RORB: variants seen among roughly 807,000 people sequenced by gnomAD.
RORB encodes the protein RAR related orphan receptor B, also known as nuclear receptor ROR-beta.
A neutral mutation model predicts 59.1 loss-of-function variants in RORB; 6 were observed. That is an observed-to-expected ratio of 0.10 (90% CI 0.06 to 0.20). The LOEUF (loss-of-function observed/expected upper bound fraction) is 0.20. RORB is among the 10% of genes least tolerant of loss of function. The pLI is 1.00. For missense variants in RORB, 320 were observed against 560.5 expected, an observed-to-expected ratio of 0.57 and a Z score of 4.33; for synonymous variants, 215 against 204.5, an observed-to-expected ratio of 1.05 and a Z score of -0.44.
At chr9:74,515,010 G>A (rs1825989030) in intron 1 of RORB, among the ~76,000 whole-genome samples, 1 of 150,120 alleles carries the variant, frequency 6.7e-6, no homozygotes, top group African/African-American at 2.5e-5. Context: ...GTAGGTCATT[G>A]AAAATTCAAA....
chr9:74,601,694 C>A (rs1378710073), intron 1 of RORB, among the ~76,000 whole-genome samples: 1 of 152,104 alleles, frequency 6.6e-6, no homozygotes, highest in Non-Finnish European at 1.5e-5. Flanking sequence ...GCTAGAAATC[C>A]TATTTGCCCA....
intron 1 of RORB, among the ~76,000 whole-genome samples, chr9:74,505,233 C>T (rs552903126): frequency 1.3e-5 from 2 of 152,136 alleles, no homozygotes; most frequent in African/African-American, 2.4e-5. Context: ...ACAAATGTCT[C>T]TCCTTATCTG....
At chr9:74,587,513 T>A (rs1052312153) in intron 1 of RORB, among the ~76,000 whole-genome samples, 4 of 152,188 alleles carry the variant, frequency 2.6e-5, no homozygotes, top group African/African-American at 9.7e-5. Context: ...ACATGTATTA[T>A]TAATTGTGAG....
intron 9 of RORB, among the ~76,000 whole-genome samples, chr9:74,681,485 C>T (rs1024420624): frequency 9.2e-5 from 14 of 152,206 alleles, no homozygotes; most frequent in Non-Finnish European, 1.9e-4. Context: ...GAGAGCTCTT[C>T]GCCTTCTCTG....
At chr9:74,574,129 C>T (rs1206882588) in intron 1 of RORB, among the ~76,000 whole-genome samples, 2 of 152,172 alleles carry the variant, frequency 1.3e-5, no homozygotes, top group East Asian at 3.9e-4. Context: ...TGTGTCTTTC[C>T]TGATTGTCTG....
chr9:74,530,569 C>T (rs996614400), intron 1 of RORB, among the ~76,000 whole-genome samples: 1 of 152,082 alleles, frequency 6.6e-6, no homozygotes. Flanking sequence ...CAGGCAAACA[C>T]CTACGGCTTG....
intron 1 of RORB, among the ~76,000 whole-genome samples, chr9:74,537,487 C>T (rs1240441389): frequency 6.6e-6 from 1 of 151,182 alleles, no homozygotes; most frequent in East Asian, 1.9e-4. Flanking sequence ...GTTTTTTTAA[C>T]AAGAGTTGAA....
intron 1 of RORB, among the ~76,000 whole-genome samples, chr9:74,571,782 A>C (rs1241332570): frequency 6.6e-6 from 1 of 152,188 alleles, no homozygotes; most frequent in Admixed American, 6.6e-5. Flanking sequence ...CAGATGTTAA[A>C]TATAGCCCTG....
intron 1 of RORB, among the ~76,000 whole-genome samples, chr9:74,578,335 T>G (rs1157344206): frequency 6.6e-6 from 1 of 152,088 alleles, no homozygotes. Flanking sequence ...AAGCAGTAAA[T>G]GTTTATTGAG....
intron 1 of RORB, among the ~76,000 whole-genome samples, chr9:74,502,754 G>A (rs1363386665): frequency 1.3e-5 from 2 of 151,946 alleles, no homozygotes; most frequent in Non-Finnish European, 2.9e-5. Flanking sequence ...TAAGCCTTAC[G>A]ACTAAACATA....
intron 9 of RORB, among the ~76,000 whole-genome samples, chr9:74,681,259 C>T (rs992936773): frequency 6.6e-6 from 1 of 152,150 alleles, no homozygotes; most frequent in Non-Finnish European, 1.5e-5. Flanking sequence ...AAATGGGGGT[C>T]CCCTGGCTGC....
intron 8 of RORB, among the ~76,000 whole-genome samples, chr9:74,669,534 A>G (rs1226019644): frequency 6.6e-6 from 1 of 151,262 alleles, no homozygotes; most frequent in Non-Finnish European, 1.5e-5. Context: ...AAATAATATA[A>G]TCATAATAAT....
chr9:74,596,672 A>G (rs1230545594), intron 1 of RORB, among the ~76,000 whole-genome samples: 1 of 152,182 alleles, frequency 6.6e-6, no homozygotes, highest in Admixed American at 6.5e-5. Context: ...CTTAACCCTG[A>G]GCTCACTCCA....
intron 1 of RORB, among the ~76,000 whole-genome samples, chr9:74,533,827 A>T (rs1176603161): frequency 6.6e-6 from 1 of 151,998 alleles, no homozygotes; most frequent in Non-Finnish European, 1.5e-5. Context: ...AGAATATTGA[A>T]CTTGTTCTCT....
chr9:74,582,149 A>T (rs1466261349), intron 1 of RORB, among the ~76,000 whole-genome samples: 1 of 152,170 alleles, frequency 6.6e-6, no homozygotes, highest in Non-Finnish European at 1.5e-5. Context: ...TCAAAATGGC[A>T]TTGTGCTTTA....
In RORB at chr9:74,634,616, T is replaced by C; in HGVS notation, c.94-15T>C. ...TTATAAATCTGTTTCCCTCCCCTTC[T>C]CTTTTTCCCTCAAGGGATTCTTTAG... On this transcript the variant is annotated splice_polypyrimidine_tract_variant and intron_variant, in intron 2 of 9. Transcript: ENST00000376896. 1 of 1,593,772 alleles carries C rather than the reference T, an allele frequency of 6.3e-7. No homozygotes were observed. Among genetic ancestry groups the C allele is most frequent in the Non-Finnish European group, 8.5e-7 (1 of 1,170,718 alleles).
intron 9 of RORB, among the ~76,000 whole-genome samples, chr9:74,680,785 C>A (rs1020786453): frequency 2.6e-5 from 4 of 152,116 alleles, no homozygotes; most frequent in Admixed American, 6.5e-5. Flanking sequence ...TTGATCAAAC[C>A]ATTGCTGGCT....
At chr9:74,681,985 C>G (rs1824554385) in intron 9 of RORB, among the ~76,000 whole-genome samples, 1 of 152,112 alleles carries the variant, frequency 6.6e-6, no homozygotes, top group Non-Finnish European at 1.5e-5. Flanking sequence ...ACTTTTGGAG[C>G]TTGGTTGAGA....
intron 1 of RORB, among the ~76,000 whole-genome samples, chr9:74,599,342 GCTAA>G (rs1823019690): frequency 6.6e-6 from 1 of 151,796 alleles, no homozygotes; most frequent in Non-Finnish European, 1.5e-5. Flanking sequence ...GAATTGAAAT[GCTAA>G]CTATTATTCA....
Sources: allele counts gnomAD v4.1 joint callset (sites outside exome capture counted in the v4.1 genomes callset), GRCh38; gene constraint gnomAD v4.1.1; transcripts MANE v1.5; gene names NCBI Gene and HGNC (gene_info 2026-07-23, HGNC 2026-07-21).